The following REC114 variants were observed in gnomAD, a reference collection of about 807,000 sequenced individuals.
REC114 encodes REC114 meiotic recombination protein, also known as meiotic recombination protein REC114.
A neutral mutation model predicts 31.3 loss-of-function variants in REC114; 27 were observed. That is an observed-to-expected ratio of 0.86 (90% CI 0.64 to 1.19). The LOEUF (loss-of-function observed/expected upper bound fraction) is 1.19, where lower values mean the gene tolerates loss of function less well. REC114 is among the 50% of genes most tolerant of loss of function. The pLI, the probability that REC114 is intolerant of heterozygous loss-of-function variation, is 0.00. For missense variants in REC114, 344 were observed against 326.9 expected, an observed-to-expected ratio of 1.05 and a Z score of -0.40; for synonymous variants, 134 against 127.7, an observed-to-expected ratio of 1.05 and a Z score of -0.33.
intron 2 of REC114, among the ~76,000 whole-genome samples, chr15:73,507,404 T>C (rs1893694794): frequency 6.6e-6 from 1 of 152,112 alleles, no homozygotes; most frequent in Non-Finnish European, 1.5e-5. Flanking sequence ...TGTTAGTGTA[T>C]TTTATGTGTG....
intron 2 of REC114, among the ~76,000 whole-genome samples, chr15:73,514,855 ATAAGTT>A (rs1410857740): frequency 6.6e-6 from 1 of 152,190 alleles, no homozygotes; most frequent in African/African-American, 2.4e-5. Flanking sequence ...TGTAATTGGC[ATAAGTT>A]TAAGTACAGT....
chr15:73,504,145 T>C (rs1190422228), intron 2 of REC114, among the ~76,000 whole-genome samples: 1 of 151,704 alleles, frequency 6.6e-6, no homozygotes, highest in East Asian at 2.0e-4. Context: ...TAGCTGGTAC[T>C]ACAGGCACGC....
intron 4 of REC114, among the ~76,000 whole-genome samples, chr15:73,554,420 A>G (rs914456342): frequency 1.3e-5 from 2 of 152,214 alleles, no homozygotes; most frequent in African/African-American, 2.4e-5. Flanking sequence ...TAGTACCTAT[A>G]TATTTTTTAG....
chr15:73,511,408 T>A (rs2141314898), intron 2 of REC114, among the ~76,000 whole-genome samples: 1 of 152,122 alleles, frequency 6.6e-6, no homozygotes, highest in South Asian at 2.1e-4. Flanking sequence ...CTGGATTCAT[T>A]GATTTTTTGA....
Position 73,556,203 on chromosome 15 carries a change from C to A in REC114, c.547-99C>A, listed in dbSNP as rs1894463669. The A allele has an allele frequency of 7.9e-6, 8 of 1,009,734 alleles. No homozygotes were observed. In the Admixed American group the frequency reaches 1.7e-4, roughly 21 times the overall value. 62.5% of individuals were successfully genotyped at this position (1,009,734 alleles called of 1,614,324 possible). On this transcript the variant is annotated intron_variant, in intron 4 of 5. Coordinates refer to ENST00000331090, the MANE Select transcript of REC114 (RefSeq NM_001042367.2). Reference sequence around the variant, plus strand: ...TTTTTATCACTCTTAGTGGTATTTTCTTTCTTTGAACATGAATGCATATTT... The same window carrying A: ...TTTTTATCACTCTTAGTGGTATTTTATTTCTTTGAACATGAATGCATATTT...
chr15:73,534,224 C>A (rs1319236044), intron 2 of REC114, among the ~76,000 whole-genome samples: 3 of 152,066 alleles, frequency 2.0e-5, no homozygotes, highest in African/African-American at 4.8e-5. Flanking sequence ...ACAAAAAACC[C>A]TTCAAAAAAT....
intron 1 of REC114, among the ~76,000 whole-genome samples, chr15:73,449,606 G>T (rs1390235194): frequency 6.6e-6 from 1 of 152,132 alleles, no homozygotes; most frequent in African/African-American, 2.4e-5. Flanking sequence ...CCCCAATCTA[G>T]CAAGGCCGGC....
chr15:73,478,046 C>G (rs1288005794), intron 2 of REC114, among the ~76,000 whole-genome samples: 1 of 151,814 alleles, frequency 6.6e-6, no homozygotes, highest in Non-Finnish European at 1.5e-5. Context: ...GGTGGATCAC[C>G]TGAGATCAGG....
chr15:73,545,906 T>C lies in REC114; in HGVS notation c.334-5032T>C, dbSNP rs527747566. Among the ~76,000 whole-genome samples, 4 of 152,290 alleles carry C rather than the reference T, an allele frequency of 2.6e-5. No homozygotes were observed. In the South Asian group the frequency reaches 8.3e-4, roughly 32 times the overall value. On this transcript the variant is annotated intron_variant, in intron 3 of 5. Transcript: ENST00000331090. ...TATAGATGTCTTCATATAGAGTCTG[T>C]TGGAAACAGCTAAATAACTGTAAAC...
At chr15:73,545,465 T>C (rs572545397) in intron 3 of REC114, among the ~76,000 whole-genome samples, 44 of 152,324 alleles carry the variant, frequency 2.9e-4, no homozygotes, top group African/African-American at 1.0e-3. Context: ...ATTGAGGATA[T>C]AGGATGGAGA....
chr15:73,453,555 G>A (rs1892879963), intron 1 of REC114, among the ~76,000 whole-genome samples: 1 of 152,224 alleles, frequency 6.6e-6, no homozygotes, highest in Admixed American at 6.5e-5. Flanking sequence ...GTGGAAGACA[G>A]TGTGGCAATT....
chr15:73,540,434 A>G (rs1894221896), intron 2 of REC114, 51 bp from the exon 3 acceptor site: 2 of 1,228,734 alleles, frequency 1.6e-6, no homozygotes, highest in Non-Finnish European at 1.2e-6. Context: ...AGCCATAGCT[A>G]TTCTTCATAT....
intron 3 of REC114, among the ~76,000 whole-genome samples, chr15:73,545,478 C>T (rs1326125200): frequency 6.6e-6 from 1 of 152,138 alleles, no homozygotes; most frequent in Non-Finnish European, 1.5e-5. Flanking sequence ...GATGGAGATA[C>T]AACTAATTTT....
chr15:73,499,552 A>C (rs1026430707), intron 2 of REC114, among the ~76,000 whole-genome samples: 2 of 152,152 alleles, frequency 1.3e-5, no homozygotes, highest in Non-Finnish European at 2.9e-5. Context: ...TGTCAGGGTT[A>C]CTACTGTAAT....
intron 2 of REC114, among the ~76,000 whole-genome samples, chr15:73,487,335 G>A (rs1893384864): frequency 6.6e-6 from 1 of 152,096 alleles, no homozygotes; most frequent in Non-Finnish European, 1.5e-5. Flanking sequence ...ATCAGATGTG[G>A]GTGAGACTCA....
At chr15:73,459,233 C>CTT (rs71442387) in intron 1 of REC114, among the ~76,000 whole-genome samples, 20 of 142,720 alleles carry the variant, frequency 1.4e-4, no homozygotes, top group East Asian at 6.1e-4. Flanking sequence ...TTTCTTTTTT[C>CTT]TTTTTTTTTT....
At chr15:73,498,831 A>G (rs1344783223) in intron 2 of REC114, among the ~76,000 whole-genome samples, 1 of 152,214 alleles carries the variant, frequency 6.6e-6, no homozygotes, top group Admixed American at 6.5e-5. Flanking sequence ...GCATATGTGT[A>G]TAAAAGTGAA....
At chr15:73,523,603 G>A (rs1893965637) in intron 2 of REC114, among the ~76,000 whole-genome samples, 1 of 152,180 alleles carries the variant, frequency 6.6e-6, no homozygotes, top group Non-Finnish European at 1.5e-5. Flanking sequence ...TATTTAGTTT[G>A]CTTTAACGTA....
At chr15:73,510,233 GCTCT>G (rs1241568193) in intron 2 of REC114, among the ~76,000 whole-genome samples, 14 of 152,092 alleles carry the variant, frequency 9.2e-5, no homozygotes, top group Admixed American at 8.5e-4. Context: ...TTATGATTTA[GCTCT>G]CTGTTTGTCT....
Sources: allele counts gnomAD v4.1 joint callset (sites outside exome capture counted in the v4.1 genomes callset), GRCh38; gene constraint gnomAD v4.1.1; transcripts MANE v1.5; gene names NCBI Gene and HGNC (gene_info 2026-07-23, HGNC 2026-07-21).